ZZEF1: variants seen among roughly 807,000 people sequenced by gnomAD.
ZZEF1 encodes zinc finger ZZ-type and EF-hand domain containing 1, also known as zinc finger ZZ-type and EF-hand domain-containing protein 1.
ZZEF1 carries 157 observed loss-of-function variants against 342.8 expected under a neutral mutation model. The observed-to-expected ratio is 0.46, with a 90% CI of 0.40 to 0.52. The LOEUF (loss-of-function observed/expected upper bound fraction) is 0.52, where lower values mean the gene tolerates loss of function less well. ZZEF1 is among the 20% of genes least tolerant of loss of function. The pLI is 0.00. For synonymous variants in ZZEF1, 1,505 were observed against 1,429.1 expected (o/e 1.05, Z -1.20); for missense variants, 3,480 against 3,725.6 (o/e 0.93, Z 1.72).
rs2058879098 is a variant in ZZEF1, at chr17:4,142,543, T to A, written c.353A>T (p.Glu118Val). ...CCGCAGTCGCCTGCCGGCCCTGACC[T>A]CCTCGAACTGCTCGCTAGAGCAGCC... Reference protein sequence around the residue: ...GAGCSSEQFEEAFAQFDAEGD... With the variant: ...GAGCSSEQFEVAFAQFDAEGD... Residue 118 changes from glutamate to valine, a missense_variant and splice_region_variant, in exon 1 of 55, where the codon GAG becomes GTG. Around this residue, in one of 5 missense-constraint regions of ZZEF1, gnomAD observed 416 missense variants for 374.2 expected, o/e 1.11. Transcript: ENST00000381638. 3.1e-6 allele frequency: 5 copies of A among 1,594,500 alleles called. No individual in the cohort carries two copies. Among genetic ancestry groups the A allele is most frequent in the Non-Finnish European group, 4.2e-6 (5 of 1,176,718 alleles).
intron 13 of ZZEF1, among the ~76,000 whole-genome samples, chr17:4,087,894 G>C (rs903222063): frequency 1.3e-5 from 2 of 151,664 alleles, no homozygotes; most frequent in African/African-American, 4.9e-5. Flanking sequence ...CACTGTCCAG[G>C]ACTGTACTAC....
chr17:4,097,118 A>G (rs2058048221), intron 9 of ZZEF1, among the ~76,000 whole-genome samples: 2 of 151,806 alleles, frequency 1.3e-5, no homozygotes, highest in Admixed American at 6.6e-5. Flanking sequence ...AAAATTATCC[A>G]GGTGTGGTGG....
At chr17:4,050,485 T>A (rs772614720) in intron 36 of ZZEF1, among the ~76,000 whole-genome samples, 16 of 152,232 alleles carry the variant, frequency 1.1e-4, no homozygotes, top group Non-Finnish European at 1.9e-4. Context: ...CAGCAAAGTT[T>A]GGTAGATTCA....
chr17:4,115,154 C>T (rs1039856903), intron 3 of ZZEF1, among the ~76,000 whole-genome samples: 3 of 151,832 alleles, frequency 2.0e-5, no homozygotes, highest in Non-Finnish European at 2.9e-5. Context: ...CCCAAGTAGC[C>T]GGGACTACAG....
chr17:4,109,443 C>A (rs1214270992), intron 6 of ZZEF1, among the ~76,000 whole-genome samples: 1 of 152,086 alleles, frequency 6.6e-6, no homozygotes, highest in Non-Finnish European at 1.5e-5. Context: ...GTGGAATGGG[C>A]ACTTTTTCAG....
intron 39 of ZZEF1, among the ~76,000 whole-genome samples, chr17:4,038,989 G>T (rs980043052): frequency 1.3e-5 from 2 of 151,926 alleles, no homozygotes; most frequent in African/African-American, 4.8e-5. Flanking sequence ...CTCTATCTAG[G>T]CAGTTTTTAC....
Position 4,023,656 on chromosome 17 carries a change from CA to C in ZZEF1, c.7093-829del, listed in dbSNP as rs71144154. On this transcript the variant is annotated intron_variant, in intron 43 of 54. Coordinates refer to ENST00000381638, the MANE Select transcript of ZZEF1 (RefSeq NM_015113.4). The stretch of plus-strand genomic sequence containing the variant: ...GAAACTTAGCAAGACCCTGTCTCTC[CA>C]AAAAAAAAAAAAAAAAAAAAATTAA... Among the ~76,000 whole-genome samples, 115 of 71,446 alleles carry C rather than the reference CA, an allele frequency of 1.6e-3. 9 individuals carry two copies. The highest frequency in any genetic ancestry group is 3.0e-3 in the East Asian group (7 of 2,314). 46.9% of individuals were successfully genotyped at this position (71,446 alleles called of 152,430 possible).
intron 45 of ZZEF1, 54 bp from the exon 46 acceptor site, chr17:4,019,823 T>G: frequency 4.4e-6 from 6 of 1,359,284 alleles, no homozygotes; most frequent in Non-Finnish European, 6.1e-6. Context: ...TTCAATACGG[T>G]ATTGATCAAC....
At chr17:4,029,832 C>T (rs2056498998) in intron 42 of ZZEF1, among the ~76,000 whole-genome samples, 2 of 147,966 alleles carry the variant, frequency 1.4e-5, no homozygotes, top group Non-Finnish European at 1.5e-5. Flanking sequence ...TGAGATCATG[C>T]CAATGCACTC....
intron 6 of ZZEF1, among the ~76,000 whole-genome samples, chr17:4,106,197 C>T (rs2058210151): frequency 6.6e-6 from 1 of 152,178 alleles, no homozygotes; most frequent in Non-Finnish European, 1.5e-5. Flanking sequence ...CCACCTACCT[C>T]GTCCTCCCAC....
At chr17:4,022,090 T>C (rs1392202757) in intron 44 of ZZEF1, among the ~76,000 whole-genome samples, 1 of 152,242 alleles carries the variant, frequency 6.6e-6, no homozygotes, top group East Asian at 1.9e-4. Context: ...AATCCTCTTC[T>C]GGCAATTGAG....
chr17:4,064,556 A>C lies in ZZEF1; in HGVS notation c.4523T>G (p.Val1508Gly). 1 of 1,614,156 alleles carries C rather than the reference A, an allele frequency of 6.2e-7. No individual in the cohort carries two copies. Among genetic ancestry groups the C allele is most frequent in the Non-Finnish European group, 8.5e-7 (1 of 1,180,022 alleles). The stretch of plus-strand genomic sequence containing the variant: ...GGGCTCTTCAGCTGTGGCAGGGGAC[A>C]CGTCTGCAGCAGGAAGGCCACTGCT... Reference protein sequence around the residue: ...PSSSGLPAADVSPATAEEPLS... With the variant: ...PSSSGLPAADGSPATAEEPLS... The change falls in exon 29 of 55, where the codon GTG (valine) becomes GGG (glycine). Residue 1508 changes from valine (V) to glycine (G), a missense_variant. By Grantham distance (109) the Val-to-Gly change is moderately radical. Transcript: ENST00000381638.
intron 52 of ZZEF1, among the ~76,000 whole-genome samples, chr17:4,011,387 G>C (rs756400150): frequency 6.6e-6 from 1 of 150,872 alleles, no homozygotes; most frequent in Non-Finnish European, 1.5e-5. Flanking sequence ...CTGGGCGAAA[G>C]AGCCAGACCA....
At chr17:4,036,207 T>A (rs2056659508) in intron 39 of ZZEF1, among the ~76,000 whole-genome samples, 1 of 152,162 alleles carries the variant, frequency 6.6e-6, no homozygotes, top group South Asian at 2.1e-4. Flanking sequence ...TTCTCACCGT[T>A]AAAGACTGGA....
intron 52 of ZZEF1, 40 bp downstream of exon 52, chr17:4,013,409 A>T (rs751180436): frequency 3.9e-6 from 6 of 1,539,596 alleles, no homozygotes; most frequent in African/African-American, 1.4e-5. Flanking sequence ...GTGGGGATAC[A>T]TATGCCTGGC....
intron 5 of ZZEF1, among the ~76,000 whole-genome samples, chr17:4,112,033 A>AATATATAT (rs57925351): frequency 1.3e-4 from 7 of 54,468 alleles, no homozygotes; most frequent in Admixed American, 2.7e-4. Context: ...ATCCTGTCTA[A>AATATATAT]ATATATATAT....
At position 4,008,036 on chromosome 17, in the gene ZZEF1, G is replaced by A. The variant is rs1053650491; in HGVS notation, c.8805+847C>T. Among the ~76,000 whole-genome samples, 4 of 152,074 alleles carry A rather than the reference G, an allele frequency of 2.6e-5. No individual in the cohort carries two copies. Among genetic ancestry groups the A allele is most frequent in the South Asian group, 2.1e-4 (1 of 4,826 alleles). On this transcript the variant is annotated intron_variant, in intron 54 of 54. Coordinates refer to ENST00000381638, the MANE Select transcript of ZZEF1 (RefSeq NM_015113.4). This position sits in a 1 kb window ranked among gnomAD's most constrained non-coding sequence, Gnocchi z 4.2. ...CTCAAAATGTACTCTGGGGCCAGGC[G>A]ACTCCCGAGACCCTTTTGGGGTCTG...
At chr17:4,132,793 C>T (rs1225664120) in intron 1 of ZZEF1, among the ~76,000 whole-genome samples, 2 of 132,400 alleles carry the variant, frequency 1.5e-5, no homozygotes, top group African/African-American at 2.5e-5. Flanking sequence ...GATGAAACCC[C>T]GTCTCTACTA....
chr17:4,012,280 TA>T (rs1462750630), intron 52 of ZZEF1, among the ~76,000 whole-genome samples: 1 of 152,022 alleles, frequency 6.6e-6, no homozygotes, highest in Non-Finnish European at 1.5e-5. Context: ...GACACGGGGG[TA>T]ACAGCAAGCA....
Sources: allele counts gnomAD v4.1 joint callset (sites outside exome capture counted in the v4.1 genomes callset), GRCh38; gene constraint gnomAD v4.1.1; regional missense constraint gnomAD v4.1.1; non-coding constraint Gnocchi (gnomAD v3.1); transcripts MANE v1.5; gene names NCBI Gene and HGNC (gene_info 2026-07-23, HGNC 2026-07-21).